Variants in SLC35F4 observed in about 807,000 individuals in gnomAD.
SLC35F4 encodes solute carrier family 35 member F4.
SLC35F4 carries 24 observed loss-of-function variants against 44.2 expected under a neutral mutation model. The ratio of observed to expected loss-of-function variants is 0.54; its 90% CI spans 0.39 to 0.76. SLC35F4 has a LOEUF of 0.76. Ranked by LOEUF, SLC35F4 falls within the 30% of genes least tolerant of loss-of-function variation. The pLI, the probability that SLC35F4 is intolerant of heterozygous loss-of-function variation, is 0.00. For synonymous variants in SLC35F4, 238 were observed against 223.6 expected, an observed-to-expected ratio of 1.06 and a Z score of -0.57; for missense variants, 562 against 586.1, an observed-to-expected ratio of 0.96 and a Z score of 0.42.
At chr14:57,691,152 A>G (rs900774147) in intron 1 of SLC35F4, among the ~76,000 whole-genome samples, 1 of 152,186 alleles carries the variant, frequency 6.6e-6, no homozygotes, top group Non-Finnish European at 1.5e-5. Flanking sequence ...TGTTGGATAA[A>G]GAAAAAAAGA....
At chr14:57,718,521 C>T (rs1382421654) in intron 1 of SLC35F4, among the ~76,000 whole-genome samples, 1 of 152,108 alleles carries the variant, frequency 6.6e-6, no homozygotes, top group African/African-American at 2.4e-5. Context: ...CTGCTTGACT[C>T]TTGGATAATA....
intron 1 of SLC35F4, among the ~76,000 whole-genome samples, chr14:57,814,311 T>C (rs933957271): frequency 1.3e-5 from 2 of 152,226 alleles, no homozygotes; most frequent in African/African-American, 2.4e-5. Flanking sequence ...TTCAGAATTT[T>C]CTTTTGCAGA....
At chr14:57,742,584 A>G (rs1432966335) in intron 1 of SLC35F4, among the ~76,000 whole-genome samples, 1 of 152,200 alleles carries the variant, frequency 6.6e-6, no homozygotes, top group Non-Finnish European at 1.5e-5. Context: ...AAGTTCTTAG[A>G]GACGTACAAA....
At chr14:57,815,103 C>A (rs542309487) in intron 1 of SLC35F4, among the ~76,000 whole-genome samples, 73 of 152,250 alleles carry the variant, frequency 4.8e-4, no homozygotes, top group African/African-American at 1.6e-3. Flanking sequence ...TCAAAAGGCA[C>A]CAAATGGCCA....
chr14:57,785,644 C>T (rs1361011924), intron 1 of SLC35F4, among the ~76,000 whole-genome samples: 1 of 152,186 alleles, frequency 6.6e-6, no homozygotes, highest in African/African-American at 2.4e-5. Context: ...CCCAAATGCA[C>T]ACCCCTACTG....
At chr14:57,612,405 G>A (rs1355316842) in intron 1 of SLC35F4, among the ~76,000 whole-genome samples, 1 of 152,076 alleles carries the variant, frequency 6.6e-6, no homozygotes, top group African/African-American at 2.4e-5. Context: ...CCAGCAGTTG[G>A]GCCAACATTC....
chr14:57,716,383 G>GA (rs1173872911), intron 1 of SLC35F4, among the ~76,000 whole-genome samples: 1 of 151,578 alleles, frequency 6.6e-6, no homozygotes, highest in African/African-American at 2.4e-5. Context: ...AGACACATGT[G>GA]AAAAATCAGA....
chr14:57,805,407 T>G (rs1363118033), intron 1 of SLC35F4, among the ~76,000 whole-genome samples: 1 of 152,200 alleles, frequency 6.6e-6, no homozygotes, highest in Non-Finnish European at 1.5e-5. Context: ...AAAGAAAATG[T>G]GGTACATATA....
chr14:57,875,038 G>C (rs1888370963), intron 1 of SLC35F4, among the ~76,000 whole-genome samples: 1 of 151,982 alleles, frequency 6.6e-6, no homozygotes, highest in Non-Finnish European at 1.5e-5. Context: ...TAAATGGATG[G>C]AATTATATAT....
At chr14:57,677,235 T>C (rs1416590677) in intron 1 of SLC35F4, among the ~76,000 whole-genome samples, 1 of 151,914 alleles carries the variant, frequency 6.6e-6, no homozygotes, top group Non-Finnish European at 1.5e-5. Flanking sequence ...AAGAATGATA[T>C]AATGGCCTTT....
At chr14:57,594,188 A>T in intron 1 of SLC35F4, 64 bp from the exon 2 acceptor site, 1 of 1,423,080 alleles carries the variant, frequency 7.0e-7, no homozygotes, top group Non-Finnish European at 9.5e-7. Flanking sequence ...AGATTTTATT[A>T]TTTATTTAAT....
At chr14:57,810,821 A>G (rs547394818) in intron 1 of SLC35F4, among the ~76,000 whole-genome samples, 5 of 152,334 alleles carry the variant, frequency 3.3e-5, no homozygotes, top group African/African-American at 1.2e-4. Context: ...TAGGAGTGAA[A>G]GTGACCATTC....
rs769237171 is a variant in SLC35F4, at chr14:57,589,203, A to G, written c.587+13T>C. 16 of 1,591,440 alleles carry G rather than the reference A, an allele frequency of 1.0e-5. No homozygotes were observed. Among genetic ancestry groups the G allele is most frequent in the Non-Finnish European group, 1.4e-5 (16 of 1,169,958 alleles). ...TCAATGATCTCTTATTGGGCAGTTA[A>G]CATGAAACCTACCTGAATTTTTTCA... On this transcript the variant is annotated intron_variant, in intron 3 of 7. Transcript: ENST00000556826.
chr14:57,648,278 A>G (rs1566724191), intron 1 of SLC35F4, among the ~76,000 whole-genome samples: 1 of 152,190 alleles, frequency 6.6e-6, no homozygotes, highest in Non-Finnish European at 1.5e-5. Context: ...GGAATTGATG[A>G]GTAATTTGTA....
At chr14:57,766,762 G>A (rs2140656254) in intron 1 of SLC35F4, among the ~76,000 whole-genome samples, 2 of 152,278 alleles carry the variant, frequency 1.3e-5, no homozygotes, top group South Asian at 4.1e-4. Flanking sequence ...AGAATTAAAA[G>A]TGTTCAATAA....
intron 1 of SLC35F4, among the ~76,000 whole-genome samples, chr14:57,815,800 C>G (rs920002912): frequency 6.6e-6 from 1 of 152,106 alleles, no homozygotes; most frequent in Non-Finnish European, 1.5e-5. Context: ...ACCTTGCCAG[C>G]AATAACTTTT....
chr14:57,716,217 T>C lies in SLC35F4; in HGVS notation c.104-122093A>G, dbSNP rs1364942902. On this transcript the variant is annotated intron_variant, in intron 1 of 7. Coordinates refer to ENST00000556826, the MANE Select transcript of SLC35F4 (RefSeq NM_001306087.2). ...CTGTCTCAACTTAAGTAAACCCTTC[T>C]GAAGTCAAAAAAGGTCCAGAAACCA... 2.0e-5 allele frequency among the ~76,000 whole-genome samples: 3 copies of C among 151,978 alleles called. No homozygotes were observed. The East Asian group carries it at 5.8e-4, about 29-fold the overall frequency.
chr14:57,888,231 T>G (rs949802940), intron 1 of SLC35F4, among the ~76,000 whole-genome samples: 8 of 152,206 alleles, frequency 5.3e-5, no homozygotes, highest in African/African-American at 1.9e-4. Flanking sequence ...CCACAGATCT[T>G]AATTATTTCC....
chr14:57,628,122 C>T (rs1027623019), intron 1 of SLC35F4, among the ~76,000 whole-genome samples: 2 of 152,002 alleles, frequency 1.3e-5, no homozygotes, highest in African/African-American at 4.8e-5. Flanking sequence ...CATTTCAGGA[C>T]CTCCTGAAGT....
Sources: allele counts gnomAD v4.1 joint callset (sites outside exome capture counted in the v4.1 genomes callset), GRCh38; gene constraint gnomAD v4.1.1; transcripts MANE v1.5; gene names NCBI Gene and HGNC (gene_info 2026-07-23, HGNC 2026-07-21).